The following ATP8A2 variants were observed in gnomAD, a reference collection of about 807,000 sequenced individuals.
The protein encoded by ATP8A2 is ATPase phospholipid transporting 8A2.
Under a neutral mutation model 165.6 loss-of-function variants are expected in ATP8A2, and 100 were observed. The ratio of observed to expected loss-of-function variants is 0.60; its 90% CI spans 0.51 to 0.71. The LOEUF (loss-of-function observed/expected upper bound fraction) is 0.71. Among genes scored for constraint, ATP8A2 ranks in the 30% least tolerant of loss-of-function variants. The probability of loss-of-function intolerance (pLI) is 0.00; values close to 1 mark genes in which losing one functional copy is unlikely to be tolerated. For missense variants in ATP8A2, 1,227 were observed against 1,479.5 expected (o/e 0.83, Z 2.80); for synonymous variants, 543 against 548.8 (o/e 0.99, Z 0.15).
chr13:25,785,835 T>C (rs1051250355), intron 27 of ATP8A2, among the ~76,000 whole-genome samples: 7 of 152,056 alleles, frequency 4.6e-5, no homozygotes, highest in African/African-American at 2.4e-5. Flanking sequence ...CTGTAGCAAA[T>C]GAGGAAGAAG....
At chr13:25,571,559 T>C (rs1161154471) in intron 17 of ATP8A2, 51 bp from the exon 18 acceptor site, 17 of 1,386,120 alleles carry the variant, frequency 1.2e-5, no homozygotes, top group Non-Finnish European at 1.5e-5. Flanking sequence ...CTAAACAGAA[T>C]TCTGTCACTA....
intron 33 of ATP8A2, among the ~76,000 whole-genome samples, chr13:25,937,976 G>A (rs552450741): frequency 2.6e-5 from 4 of 151,646 alleles, no homozygotes; most frequent in South Asian, 4.2e-4. Context: ...TGCTATAAAC[G>A]TGGGAAGTTC....
intron 33 of ATP8A2, among the ~76,000 whole-genome samples, chr13:25,899,106 C>T (rs568855441): frequency 1.4e-4 from 22 of 152,354 alleles, no homozygotes; most frequent in African/African-American, 4.1e-4. Context: ...AGAAATCACC[C>T]GTCTTCTGTG....
At chr13:25,688,377 C>T (rs746877568) in intron 24 of ATP8A2, among the ~76,000 whole-genome samples, 11 of 150,712 alleles carry the variant, frequency 7.3e-5, no homozygotes, top group Non-Finnish European at 1.3e-4. Flanking sequence ...TCTACACAGC[C>T]GGAAGCCTTT....
Position 25,750,011 on chromosome 13 carries a change from A to AC in ATP8A2, c.2385-19034dup, listed in dbSNP as rs2044120071. On this transcript the variant is annotated intron_variant, in intron 25 of 36. Coordinates refer to ENST00000381655, the MANE Select transcript of ATP8A2 (RefSeq NM_016529.6). The surrounding 1 kb of genome is among the most constrained non-coding windows in gnomAD (Gnocchi z 4.3). ...CCACATCTCTAAAAAATAAAACAAA[A>AC]CAAAACAAAAAAACGAAGAAGAAGA... Among the ~76,000 whole-genome samples the AC allele has an allele frequency of 6.6e-6, 1 of 152,252 alleles. No homozygotes were observed. Among genetic ancestry groups the AC allele is most frequent in the Admixed American group, 6.5e-5 (1 of 15,284 alleles).
intron 33 of ATP8A2, among the ~76,000 whole-genome samples, chr13:25,905,378 T>A (rs1441389241): frequency 6.6e-6 from 1 of 152,216 alleles, no homozygotes; most frequent in Non-Finnish European, 1.5e-5. Context: ...TAACGGACAC[T>A]GATTCTGCTC....
chr13:25,500,141 T>G (rs1056277164), intron 2 of ATP8A2, among the ~76,000 whole-genome samples: 1 of 152,188 alleles, frequency 6.6e-6, no homozygotes, highest in Admixed American at 6.5e-5. Context: ...GCCTGCTCCC[T>G]TCTTATCTTG....
intron 1 of ATP8A2, among the ~76,000 whole-genome samples, chr13:25,384,866 C>T (rs1045524587): frequency 3.9e-5 from 6 of 152,206 alleles, no homozygotes; most frequent in Admixed American, 6.5e-5. Context: ...TTTTGGCAGT[C>T]GGGAGTCCCA....
intron 33 of ATP8A2, among the ~76,000 whole-genome samples, chr13:25,885,840 TCA>T (rs1456361749): frequency 1.3e-5 from 2 of 152,198 alleles, no homozygotes; most frequent in Admixed American, 6.5e-5. Context: ...TTATCTAGAC[TCA>T]CACGATTCTC....
intron 1 of ATP8A2, among the ~76,000 whole-genome samples, chr13:25,407,703 G>A (rs2033845936): frequency 6.6e-6 from 1 of 152,192 alleles, no homozygotes. Context: ...ACAATGGAAA[G>A]ACCTAGAAGA....
chr13:25,950,084 G>T (rs1050197882), intron 33 of ATP8A2, among the ~76,000 whole-genome samples: 8 of 152,294 alleles, frequency 5.3e-5, no homozygotes, highest in African/African-American at 1.7e-4. Context: ...ACAGGTGTGA[G>T]CCACCGCTCC....
At chr13:25,820,597 G>A (rs865937281) in intron 27 of ATP8A2, among the ~76,000 whole-genome samples, 2 of 152,124 alleles carry the variant, frequency 1.3e-5, no homozygotes, top group Non-Finnish European at 2.9e-5. Flanking sequence ...ACACAGCTGG[G>A]AACTTGTGGC....
At chr13:25,813,760 G>A (rs1362183943) in intron 27 of ATP8A2, among the ~76,000 whole-genome samples, 1 of 152,100 alleles carries the variant, frequency 6.6e-6, no homozygotes, top group African/African-American at 2.4e-5. Context: ...ATTATTCTGG[G>A]TGTTTCTGTG....
intron 33 of ATP8A2, among the ~76,000 whole-genome samples, chr13:25,960,339 G>A (rs150828366): frequency 0.013 from 2,026 of 152,266 alleles, 51 homozygotes; most frequent in African/African-American, 0.047. Flanking sequence ...TCATTTTACT[G>A]TATAAAGGGA....
At position 25,513,242 on chromosome 13, in the gene ATP8A2, G is replaced by T. The variant is rs559256807; in HGVS notation, c.222-16757G>T. Among the ~76,000 whole-genome samples the T allele has an allele frequency of 2.1e-3, 312 of 151,894 alleles. 3 individuals are homozygous for T. The highest frequency in any genetic ancestry group is 6.4e-3 in the African/African-American group (265 of 41,418). On this transcript the variant is annotated intron_variant, in intron 2 of 36. Coordinates refer to ENST00000381655, the MANE Select transcript of ATP8A2 (RefSeq NM_016529.6). ...TGGAGGGTCTCCTCACTTCTCAGACGGGGCGGCTGGGCAGAGACGCTCCTC... is the reference window on the plus strand; with the variant it reads ...TGGAGGGTCTCCTCACTTCTCAGACTGGGCGGCTGGGCAGAGACGCTCCTC...
At chr13:25,793,414 A>G (rs542097276) in intron 27 of ATP8A2, among the ~76,000 whole-genome samples, 2 of 152,344 alleles carry the variant, frequency 1.3e-5, no homozygotes, top group African/African-American at 4.8e-5. Context: ...TCTACATGAC[A>G]TGGTAACAAG....
intron 25 of ATP8A2, 28 bp from the exon 26 acceptor site, chr13:25,769,018 G>A (rs2044557240): frequency 1.2e-6 from 2 of 1,606,340 alleles, no homozygotes; most frequent in African/African-American, 1.3e-5. Context: ...GACATGCATA[G>A]CTCTGATTTC....
At chr13:25,522,110 C>T (rs2137849733) in intron 2 of ATP8A2, among the ~76,000 whole-genome samples, 1 of 152,254 alleles carries the variant, frequency 6.6e-6, no homozygotes, top group South Asian at 2.1e-4. Flanking sequence ...CATGGAATAT[C>T]TTTCCATTCT....
chr13:25,713,089 T>C (rs1182921763), intron 25 of ATP8A2, among the ~76,000 whole-genome samples: 1 of 152,230 alleles, frequency 6.6e-6, no homozygotes, highest in Non-Finnish European at 1.5e-5. Flanking sequence ...AAAATGTAGA[T>C]AGTGCTCATT....
Sources: gnomAD v4.1 joint callset for allele counts (sites outside exome capture counted in the v4.1 genomes callset) on GRCh38, gnomAD v4.1.1 for gene constraint, Gnocchi (gnomAD v3.1) non-coding constraint, MANE v1.5 for transcripts, NCBI Gene and HGNC (gene_info 2026-07-23, HGNC 2026-07-21) for gene names.